The following UHRF2 variants were observed in gnomAD, a reference collection of about 807,000 sequenced individuals.
UHRF2 encodes ubiquitin like with PHD and ring finger domains 2, also known as E3 ubiquitin-protein ligase UHRF2.
A neutral mutation model predicts 96.8 loss-of-function variants in UHRF2; 23 were observed. That is an observed-to-expected ratio of 0.24 (90% CI 0.17 to 0.34). The LOEUF is 0.34. Among genes scored for constraint, UHRF2 ranks in the 10% least tolerant of loss-of-function variants. The probability of loss-of-function intolerance (pLI) is 1.00; values close to 1 mark genes in which losing one functional copy is unlikely to be tolerated. For synonymous variants in UHRF2, 385 were observed against 332.6 expected, an observed-to-expected ratio of 1.16 and a Z score of -1.72; for missense variants, 685 against 981.5, an observed-to-expected ratio of 0.70 and a Z score of 4.04.
intron 15 of UHRF2, among the ~76,000 whole-genome samples, chr9:6,505,334 C>T (rs1474608765): frequency 2.6e-5 from 4 of 151,938 alleles, no homozygotes; most frequent in African/African-American, 4.8e-5. Context: ...CTCACTCTGT[C>T]GTTCAGGGTA....
At chr9:6,488,347 CA>C (rs1157300498) in intron 9 of UHRF2, among the ~76,000 whole-genome samples, 3 of 134,402 alleles carry the variant, frequency 2.2e-5, no homozygotes, top group Non-Finnish European at 3.1e-5. Context: ...CAGTTTCTCC[CA>C]GTGGTGACAT....
At chr9:6,432,589 T>TGGG (rs1228458113) in intron 2 of UHRF2, among the ~76,000 whole-genome samples, 5 of 152,218 alleles carry the variant, frequency 3.3e-5, no homozygotes, top group Non-Finnish European at 5.9e-5. Context: ...AAATAGGAAT[T>TGGG]AAACTTCTTA....
intron 9 of UHRF2, among the ~76,000 whole-genome samples, chr9:6,489,530 CG>C (rs1824525945): frequency 6.6e-6 from 1 of 152,196 alleles, no homozygotes; most frequent in Admixed American, 6.5e-5. Context: ...ATGTTCCTAT[CG>C]GCAGTATATG....
chr9:6,481,784 C>G lies in UHRF2; in HGVS notation c.1284+18C>G. On this transcript the variant is annotated intron_variant, in intron 7 of 15. Transcript: ENST00000276893. ...GGGGCAGGGTAAAGAAGAAATTCCCCTTTTCTTCCTAATAGCAAGTTATAA... is the reference window on the plus strand; with the variant it reads ...GGGGCAGGGTAAAGAAGAAATTCCCGTTTTCTTCCTAATAGCAAGTTATAA... 6.3e-7 allele frequency: 1 copy of G among 1,599,720 alleles called. No individual in the cohort carries two copies. The highest frequency in any genetic ancestry group is 8.5e-7 in the Non-Finnish European group (1 of 1,176,328).
At chr9:6,414,848 T>C (rs1424019115) in intron 1 of UHRF2, among the ~76,000 whole-genome samples, 2 of 152,358 alleles carry the variant, frequency 1.3e-5, no homozygotes, top group Non-Finnish European at 2.9e-5. Flanking sequence ...AATAATGTTA[T>C]AGCACCTTTG....
At chr9:6,486,757 G>A (rs566865176) in intron 8 of UHRF2, 64 bp from the exon 9 acceptor site, 1 of 1,506,504 alleles carries the variant, frequency 6.6e-7, no homozygotes, top group Non-Finnish European at 9.1e-7. Context: ...ATATATGAAA[G>A]CATTTTGTAA....
intron 1 of UHRF2, among the ~76,000 whole-genome samples, chr9:6,418,523 C>G (rs1315281275): frequency 6.6e-6 from 1 of 151,920 alleles, no homozygotes; most frequent in Non-Finnish European, 1.5e-5. Flanking sequence ...AATTACTGAT[C>G]TAGTAGATTA....
intron 6 of UHRF2, among the ~76,000 whole-genome samples, 169 bp downstream of exon 6, chr9:6,477,977 C>G (rs1188831038): frequency 1.3e-5 from 2 of 152,216 alleles, no homozygotes; most frequent in Non-Finnish European, 2.9e-5. Flanking sequence ...GTAACAACCT[C>G]TGAACCATCT....
intron 8 of UHRF2, 144 bp from the exon 9 acceptor site, chr9:6,486,677 G>C (rs1824309062): frequency 2.2e-5 from 15 of 684,606 alleles, no homozygotes; most frequent in Admixed American, 8.7e-5. Flanking sequence ...GGTACCAGGA[G>C]ATTTAAAATG....
rs550679172 is a variant in UHRF2, at chr9:6,413,377, G to A, written c.-114G>A. ...TCCGGTCGGTCCGGTGGGCGCGCTC[G>A]CCCGCCTGCCGCTGAGGGCCCGAGC... On this transcript the variant is annotated 5_prime_UTR_variant, in exon 1 of 16. Coordinates refer to ENST00000276893, the MANE Select transcript of UHRF2 (RefSeq NM_152896.3). 9.1e-7 allele frequency: 1 copy of A among 1,102,202 alleles called. No individual in the cohort carries two copies. Among genetic ancestry groups the A allele is most frequent in the African/African-American group, 1.7e-5 (1 of 60,292 alleles). The allele number at this position is 1,102,202 out of a possible 1,614,324, so 68.3% of individuals were successfully genotyped here.
At chr9:6,466,270 G>A (rs889916668) in intron 4 of UHRF2, among the ~76,000 whole-genome samples, 1 of 152,138 alleles carries the variant, frequency 6.6e-6, no homozygotes, top group African/African-American at 2.4e-5. Context: ...AGGTGTGGTG[G>A]CTCACGCCTG....
intron 4 of UHRF2, among the ~76,000 whole-genome samples, chr9:6,461,628 T>G (rs1822549513): frequency 6.6e-6 from 1 of 151,960 alleles, no homozygotes; most frequent in African/African-American, 2.4e-5. Context: ...CGCCTCTGCC[T>G]CCCAAAGTGT....
At chr9:6,479,350 T>C (rs190412192) in intron 6 of UHRF2, among the ~76,000 whole-genome samples, 22 of 152,240 alleles carry the variant, frequency 1.4e-4, no homozygotes, top group Admixed American at 5.2e-4. Flanking sequence ...GGTTACTCTG[T>C]TTTATAGATT....
chr9:6,490,632 A>G (rs1045556224), intron 9 of UHRF2, among the ~76,000 whole-genome samples: 6 of 152,240 alleles, frequency 3.9e-5, no homozygotes, highest in Admixed American at 3.3e-4. Context: ...TGTCTTTAAA[A>G]AGAAGAAAAG....
intron 9 of UHRF2, among the ~76,000 whole-genome samples, chr9:6,491,638 G>A (rs1824665890): frequency 6.6e-6 from 1 of 152,210 alleles, no homozygotes; most frequent in South Asian, 2.1e-4. Context: ...CTTGATGATG[G>A]CAAGAATGTG....
At chr9:6,472,465 C>T (rs947070192) in intron 4 of UHRF2, among the ~76,000 whole-genome samples, 4 of 152,182 alleles carry the variant, frequency 2.6e-5, no homozygotes, top group Admixed American at 1.3e-4. Flanking sequence ...TTTAGTATAA[C>T]AGCTATAGAC....
chr9:6,435,691 C>T (rs1820801672), intron 3 of UHRF2, among the ~76,000 whole-genome samples: 1 of 152,142 alleles, frequency 6.6e-6, no homozygotes, highest in African/African-American at 2.4e-5. Flanking sequence ...ACTGCAACCT[C>T]TGCCTTTCAG....
At chr9:6,480,841 C>T (rs998155491) in intron 6 of UHRF2, among the ~76,000 whole-genome samples, 4 of 152,182 alleles carry the variant, frequency 2.6e-5, no homozygotes, top group Non-Finnish European at 5.9e-5. Flanking sequence ...TCCTATAGTG[C>T]TCAACAAAGT....
chr9:6,464,545 T>A (rs1364975316), intron 4 of UHRF2, among the ~76,000 whole-genome samples: 1 of 152,204 alleles, frequency 6.6e-6, no homozygotes, highest in East Asian at 1.9e-4. Context: ...GGTTTTGCCT[T>A]TCTTTAGGTC....
Sources: gnomAD v4.1 joint callset for allele counts (sites outside exome capture counted in the v4.1 genomes callset) on GRCh38, gnomAD v4.1.1 for gene constraint, MANE v1.5 for transcripts, NCBI Gene and HGNC (gene_info 2026-07-23, HGNC 2026-07-21) for gene names.